Variants in DNAH12 observed in about 807,000 individuals in gnomAD.
DNAH12 encodes the protein axonemal beta dynein heavy chain 12.
A neutral mutation model predicts 371.5 loss-of-function variants in DNAH12; 285 were observed. That is an observed-to-expected ratio of 0.77 (90% confidence interval 0.70 to 0.85). DNAH12 has a LOEUF of 0.85. Among genes scored for constraint, DNAH12 ranks in the 40% least tolerant of loss-of-function variants. The pLI, the probability that DNAH12 is intolerant of heterozygous loss-of-function variation, is 0.00. For synonymous variants in DNAH12, 1,200 were observed against 1,213.0 expected, an observed-to-expected ratio of 0.99 and a Z score of 0.22; for missense variants, 3,611 against 3,689.4, an observed-to-expected ratio of 0.98 and a Z score of 0.55.
At chr3:57,530,499 AT>A in intron 2 of DNAH12, 1 of 733,928 alleles carries the variant, frequency 1.4e-6, no homozygotes, top group Non-Finnish European at 2.5e-6. Flanking sequence ...AAGACTGCTG[AT>A]TTTGGCATTC....
At chr3:57,345,659 A>ACT (rs1486537084) in intron 60 of DNAH12, among the ~76,000 whole-genome samples, 7 of 152,132 alleles carry the variant, frequency 4.6e-5, no homozygotes, top group African/African-American at 1.7e-4. Flanking sequence ...TGCCACAGTT[A>ACT]ATTTTATGCA....
At chr3:57,316,023 C>T (rs17058012) in intron 65 of DNAH12, among the ~76,000 whole-genome samples, 2,860 of 152,148 alleles carry the variant, frequency 0.019, 102 homozygotes, top group African/African-American at 0.065. Flanking sequence ...TGACAAAGGA[C>T]GTCAGAGTAG....
At chr3:57,530,062 T>G (rs967222051) in intron 2 of DNAH12, among the ~76,000 whole-genome samples, 1 of 152,108 alleles carries the variant, frequency 6.6e-6, no homozygotes, top group African/African-American at 2.4e-5. Flanking sequence ...CTCTTGTTAT[T>G]GATTTCTAGT....
intron 69 of DNAH12, among the ~76,000 whole-genome samples, chr3:57,307,643 C>A (rs2061499452): frequency 1.3e-5 from 2 of 152,170 alleles, no homozygotes; most frequent in Non-Finnish European, 2.9e-5. Context: ...CTGACACATA[C>A]ACTTTCTGCT....
intron 11 of DNAH12, among the ~76,000 whole-genome samples, chr3:57,494,194 T>C (rs2067228934): frequency 2.6e-5 from 4 of 152,022 alleles, no homozygotes. Context: ...ATTCTACCAT[T>C]GCACTCCAGT....
chr3:57,293,834 TAGGTTGGTCTGTTTTTAACAACATTGCAA>T lies in DNAH12; in HGVS notation c.11801_11829del (p.Ile3934AsnfsTer17). The stretch of plus-strand genomic sequence containing the variant: ...ACCCCGCGCTTGATCCAGTGCCGAG[TAGGTTGGTCTGTTTTTAACAACATTGCAA>T]TGACAAAGTTAGTAGAATGTCCCGT... On this transcript the variant is annotated frameshift_variant, in exon 74 of 74. Coordinates refer to ENST00000495027, the MANE Select transcript of DNAH12 (RefSeq NM_001366028.2). LOFTEE classifies it high-confidence loss of function. 1 of 1,550,478 alleles carries T rather than the reference TAGGTTGGTCTGTTTTTAACAACATTGCAA, an allele frequency of 6.4e-7. No individual in the cohort carries two copies. Among genetic ancestry groups the T allele is most frequent in the Non-Finnish European group, 8.7e-7 (1 of 1,146,652 alleles).
chr3:57,319,633 G>A (rs2061761300), intron 65 of DNAH12, among the ~76,000 whole-genome samples: 1 of 152,096 alleles, frequency 6.6e-6, no homozygotes, highest in African/African-American at 2.4e-5. Context: ...AGGCTGGAGT[G>A]CAGTGGCACG....
At chr3:57,541,243 T>C (rs1431075925) in intron 2 of DNAH12, among the ~76,000 whole-genome samples, 1 of 152,120 alleles carries the variant, frequency 6.6e-6, no homozygotes, top group Non-Finnish European at 1.5e-5. Context: ...TTTCACCATG[T>C]TGGCCAGGCT....
intron 69 of DNAH12, among the ~76,000 whole-genome samples, chr3:57,307,427 GTCAGAAT>G (rs1559540081): frequency 6.6e-6 from 1 of 152,144 alleles, no homozygotes. Flanking sequence ...GGGCTGTGCA[GTCAGAAT>G]TCTTACACAA....
intron 2 of DNAH12, among the ~76,000 whole-genome samples, chr3:57,539,005 C>T (rs2069165176): frequency 6.6e-6 from 1 of 152,146 alleles, no homozygotes; most frequent in Non-Finnish European, 1.5e-5. Flanking sequence ...AAAGCTAACC[C>T]AACAGCCAAT....
chr3:57,392,618 A>AAC (rs1174338885), intron 44 of DNAH12, among the ~76,000 whole-genome samples: 11 of 152,072 alleles, frequency 7.2e-5, no homozygotes, highest in Non-Finnish European at 1.2e-4. Flanking sequence ...ACAACAAAAA[A>AAC]ACACACACAC....
intron 11 of DNAH12, among the ~76,000 whole-genome samples, chr3:57,500,472 T>C (rs1381600999): frequency 6.6e-6 from 1 of 152,198 alleles, no homozygotes; most frequent in Non-Finnish European, 1.5e-5. Context: ...CATTTCGAAC[T>C]TCATCATATT....
At chr3:57,380,790 C>T (rs928563018) in intron 50 of DNAH12, among the ~76,000 whole-genome samples, 1 of 152,138 alleles carries the variant, frequency 6.6e-6, no homozygotes, top group Non-Finnish European at 1.5e-5. Flanking sequence ...AAAATATCAA[C>T]TTACATCTCC....
At chr3:57,543,839 G>A (rs1460606814) in intron 1 of DNAH12, among the ~76,000 whole-genome samples, 1 of 151,696 alleles carries the variant, frequency 6.6e-6, no homozygotes, top group Non-Finnish European at 1.5e-5. Context: ...CTCAGGTCGG[G>A]AGTTCGAGCC....
chr3:57,477,764 A>G (rs2066588419), intron 13 of DNAH12, among the ~76,000 whole-genome samples: 1 of 152,172 alleles, frequency 6.6e-6, no homozygotes, highest in African/African-American at 2.4e-5. Context: ...CTTGCTGTTC[A>G]CCAATATCCG....
At chr3:57,507,567 T>A in intron 8 of DNAH12, 76 bp downstream of exon 8, 2 of 1,070,540 alleles carry the variant, frequency 1.9e-6, no homozygotes. Context: ...TAGCACTATG[T>A]TTACGTAGAA....
chr3:57,293,764 T>G lies in DNAH12; in HGVS notation c.*17A>C. 1 of 1,543,590 alleles carries G rather than the reference T, an allele frequency of 6.5e-7. No individual in the cohort carries two copies. On this transcript the variant is annotated 3_prime_UTR_variant, in exon 74 of 74. Transcript: ENST00000495027. ...TTTTTTTTTTAAACTTTTGGATGTT[T>G]TATAAATTTGTCCAATTTAGTCATC...
intron 50 of DNAH12, among the ~76,000 whole-genome samples, chr3:57,380,655 G>C (rs1427353326): frequency 6.6e-6 from 1 of 152,042 alleles, no homozygotes; most frequent in Non-Finnish European, 1.5e-5. Flanking sequence ...AGTAGAGAGG[G>C]GGTTTCACCA....
intron 43 of DNAH12, among the ~76,000 whole-genome samples, chr3:57,401,393 CAAAAAAAA>C (rs1172591337): frequency 8.3e-6 from 1 of 120,092 alleles, no homozygotes; most frequent in Admixed American, 8.4e-5. Context: ...TACTAAAATA[CAAAAAAAA>C]AAAAAAGAAA....
Sources: allele counts gnomAD v4.1 joint callset (sites outside exome capture counted in the v4.1 genomes callset), GRCh38; gene constraint gnomAD v4.1.1; transcripts MANE v1.5; gene names NCBI Gene and HGNC (gene_info 2026-07-23, HGNC 2026-07-21).